The following AP3B1 variants were observed in gnomAD, a reference collection of about 807,000 sequenced individuals.
The protein encoded by AP3B1 is AP-3 complex subunit beta-1.
Under a neutral mutation model 132.5 loss-of-function variants are expected in AP3B1, and 61 were observed. The observed-to-expected ratio is 0.46, with a 90% confidence interval of 0.37 to 0.57. The LOEUF (loss-of-function observed/expected upper bound fraction) is 0.57. Ranked by LOEUF, AP3B1 falls within the 20% of genes least tolerant of loss-of-function variation. The probability of loss-of-function intolerance (pLI) is 0.00; values close to 1 mark genes in which losing one functional copy is unlikely to be tolerated. For missense variants in AP3B1, 1,120 were observed against 1,289.4 expected (o/e 0.87, Z 2.01); for synonymous variants, 388 against 438.3 (o/e 0.89, Z 1.43).
chr5:78,077,615 A>G (rs1288283450), intron 22 of AP3B1, among the ~76,000 whole-genome samples: 1 of 152,180 alleles, frequency 6.6e-6, no homozygotes, highest in Non-Finnish European at 1.5e-5. Context: ...ACATTGAAAT[A>G]CTGTTTCAGC....
chr5:78,219,533 G>A (rs1580502773), intron 6 of AP3B1, among the ~76,000 whole-genome samples: 5 of 152,144 alleles, frequency 3.3e-5, no homozygotes, highest in African/African-American at 1.2e-4. Context: ...GATTGGAGAT[G>A]ACAGAATATA....
At chr5:78,167,083 TCA>T (rs1284179499) in intron 11 of AP3B1, among the ~76,000 whole-genome samples, 3 of 152,042 alleles carry the variant, frequency 2.0e-5, no homozygotes, top group Non-Finnish European at 2.9e-5. Flanking sequence ...GAGAAAATCT[TCA>T]CAGTCTATAC....
Position 78,141,102 on chromosome 5 carries a change from A to G in AP3B1, c.1650+41T>C, listed in dbSNP as rs774562787. 4.4e-6 allele frequency: 7 copies of G among 1,578,484 alleles called. No homozygotes were observed. In the African/African-American group the frequency reaches 9.4e-5, roughly 21 times the overall value. ...CCGCTGTTTGATCAGAGTGAAGAGG[A>G]AAGTACGTATTAGATAGGTTGACTA... On this transcript the variant is annotated intron_variant, in intron 15 of 26. Transcript: ENST00000255194.
intron 17 of AP3B1, among the ~76,000 whole-genome samples, chr5:78,119,678 T>C (rs537354384): frequency 4.6e-5 from 7 of 152,210 alleles, no homozygotes; most frequent in African/African-American, 1.4e-4. Context: ...CTCCAAGAAA[T>C]GTGGGACTAT....
At chr5:78,157,903 A>G (rs1743220871) in intron 13 of AP3B1, among the ~76,000 whole-genome samples, 1 of 151,944 alleles carries the variant, frequency 6.6e-6, no homozygotes, top group Admixed American at 6.6e-5. Flanking sequence ...GGCGCGCGCC[A>G]CCACGCCTGG....
chr5:78,248,184 AC>A (rs1747456972), intron 2 of AP3B1, among the ~76,000 whole-genome samples: 1 of 152,184 alleles, frequency 6.6e-6, no homozygotes, highest in Non-Finnish European at 1.5e-5. Context: ...TTAACACTGT[AC>A]CAGATCAAGA....
rs114560982 is a variant in AP3B1, at chr5:78,019,637, T to C, written c.2992+1055A>G. Among the ~76,000 whole-genome samples the C allele has an allele frequency of 5.9e-3, 901 of 152,254 alleles. 13 individuals are homozygous for C. The highest frequency in any genetic ancestry group is 0.02 in the African/African-American group (844 of 41,562). ...CAAGAAATGCAAATCCAAAGAAAGA[T>C]TTCATCGTTCTTTTTTATTGCTTAA... is the stretch of plus-strand genomic sequence containing the variant. On this transcript the variant is annotated intron_variant, in intron 25 of 26. Coordinates refer to ENST00000255194, the MANE Select transcript of AP3B1 (RefSeq NM_003664.5).
chr5:78,038,358 G>C (rs995136300), intron 23 of AP3B1, among the ~76,000 whole-genome samples: 1 of 152,100 alleles, frequency 6.6e-6, no homozygotes, highest in Non-Finnish European at 1.5e-5. Context: ...CTACATCGGG[G>C]GTGTGCAATC....
intron 1 of AP3B1, among the ~76,000 whole-genome samples, chr5:78,286,861 C>T (rs1284063553): frequency 6.6e-6 from 1 of 152,172 alleles, no homozygotes; most frequent in Non-Finnish European, 1.5e-5. Flanking sequence ...TAAGCCTTCT[C>T]TAAATACACG....
chr5:78,259,689 C>T (rs1443411077), intron 2 of AP3B1, among the ~76,000 whole-genome samples: 1 of 151,990 alleles, frequency 6.6e-6, no homozygotes, highest in Non-Finnish European at 1.5e-5. Flanking sequence ...TATATATGGC[C>T]GGGTGCAGTG....
chr5:78,235,120 C>G (rs1465452232), intron 3 of AP3B1, among the ~76,000 whole-genome samples: 1 of 152,072 alleles, frequency 6.6e-6, no homozygotes, highest in African/African-American at 2.4e-5. Context: ...CTCAGCCTCC[C>G]TGGTAATTAG....
chr5:78,007,837 C>T (rs867959572), intron 26 of AP3B1, among the ~76,000 whole-genome samples: 1 of 151,592 alleles, frequency 6.6e-6, no homozygotes, highest in Admixed American at 6.6e-5. Flanking sequence ...TAGTGAAGGA[C>T]AAAAAAAGCA....
intron 17 of AP3B1, among the ~76,000 whole-genome samples, chr5:78,120,771 T>C (rs1173251875): frequency 6.6e-6 from 1 of 152,160 alleles, no homozygotes; most frequent in African/African-American, 2.4e-5. Flanking sequence ...ACTGTCAACA[T>C]TAAACAGATC....
intron 12 of AP3B1, among the ~76,000 whole-genome samples, chr5:78,163,640 CATAT>C (rs200184761): frequency 5.6e-5 from 8 of 142,576 alleles, no homozygotes; most frequent in African/African-American, 1.8e-4. Flanking sequence ...ATATAGTATA[CATAT>C]ATATATATAC....
chr5:78,125,816 G>A (rs965705967), intron 17 of AP3B1, among the ~76,000 whole-genome samples: 3 of 152,066 alleles, frequency 2.0e-5, no homozygotes, highest in Admixed American at 6.6e-5. Flanking sequence ...CAGGTGAAAC[G>A]AACATAATAT....
intron 8 of AP3B1, among the ~76,000 whole-genome samples, chr5:78,179,130 A>G (rs898241929): frequency 1.3e-5 from 2 of 152,204 alleles, no homozygotes; most frequent in African/African-American, 4.8e-5. Context: ...AAGAATCTCA[A>G]TTAATGATTG....
At chr5:78,046,942 G>C (rs1022184513) in intron 22 of AP3B1, among the ~76,000 whole-genome samples, 1 of 152,102 alleles carries the variant, frequency 6.6e-6, no homozygotes, top group Non-Finnish European at 1.5e-5. Context: ...TTATGAGTGA[G>C]AACATGCGGT....
chr5:78,093,350 C>T (rs1750615359), intron 21 of AP3B1, among the ~76,000 whole-genome samples: 1 of 152,266 alleles, frequency 6.6e-6, no homozygotes, highest in East Asian at 1.9e-4. Context: ...AGCCACCACA[C>T]CAACTAAGAA....
At chr5:78,181,811 C>T (rs1249132350) in intron 7 of AP3B1, 149 bp from the exon 8 acceptor site, 1 of 661,250 alleles carries the variant, frequency 1.5e-6, no homozygotes, top group Non-Finnish European at 2.6e-6. Flanking sequence ...ATTACACAAC[C>T]TATATCGAAT....
Sources: allele counts gnomAD v4.1 joint callset (sites outside exome capture counted in the v4.1 genomes callset), GRCh38; gene constraint gnomAD v4.1.1; transcripts MANE v1.5; gene names NCBI Gene and HGNC (gene_info 2026-07-23, HGNC 2026-07-21).